CD300LD: variants seen among roughly 807,000 people sequenced by gnomAD.
CD300LD encodes CD300 molecule like family member d.
CD300LD carries 18 observed loss-of-function variants against 20.3 expected under a neutral mutation model. The observed-to-expected ratio is 0.89, with a 90% confidence interval of 0.61 to 1.32. The LOEUF is 1.32. Ranked by LOEUF, CD300LD falls within the 40% of genes most tolerant of loss-of-function variation. CD300LD has a pLI of 0.00. For missense variants in CD300LD, 195 were observed against 226.6 expected, an observed-to-expected ratio of 0.86 and a Z score of 0.90; for synonymous variants, 104 against 90.1, an observed-to-expected ratio of 1.15 and a Z score of -0.87.
intron 1 of CD300LD, chr17:74,590,457 A>G (rs978320872): frequency 6.6e-6 from 1 of 152,010 alleles, no homozygotes; most frequent in Admixed American, 6.6e-5. Flanking sequence ...TATTATTATT[A>G]TTATTATTAC....
rs767458397 is a variant in CD300LD, at chr17:74,582,184, C to A, written c.473+34G>T. The A allele has an allele frequency of 1.9e-6, 3 of 1,592,062 alleles. No homozygotes were observed. In the East Asian group the frequency reaches 6.7e-5, roughly 36 times the overall value. The stretch of plus-strand genomic sequence containing the variant: ...TAGAGGAGAGGCCATGGGGCCAGGC[C>A]TGTGCGAAAGTGGTGGGACCTGGCT... On this transcript the variant is annotated intron_variant, in intron 3 of 3. Transcript: ENST00000375352.
At chr17:74,578,845 G>C (rs548453442), downstream of CD300LD, among the ~76,000 whole-genome samples, 1 of 152,240 alleles carries the variant, frequency 6.6e-6, no homozygotes, top group Non-Finnish European at 1.5e-5. Flanking sequence ...AGTCATTAGA[G>C]TCCAAGACTG....
At chr17:74,591,903 A>T (rs2030328242) in intron 1 of CD300LD, 1 of 833,520 alleles carries the variant, frequency 1.2e-6, no homozygotes. Flanking sequence ...TCATCTGTTT[A>T]TATGGAACAG....
intron 2 of CD300LD, among the ~76,000 whole-genome samples, chr17:74,584,047 G>T (rs2655602): frequency 1.3e-5 from 2 of 151,950 alleles, no homozygotes; most frequent in African/African-American, 2.4e-5. Context: ...GAACCACCAC[G>T]CCCAGCCTGT....
At chr17:74,589,130 A>G (rs1362285179) in intron 1 of CD300LD, among the ~76,000 whole-genome samples, 1 of 152,218 alleles carries the variant, frequency 6.6e-6, no homozygotes, top group East Asian at 1.9e-4. Context: ...TATGGCCAGC[A>G]AATCTTTATA....
At chr17:74,582,642 G>A (rs1052898053) in intron 2 of CD300LD, among the ~76,000 whole-genome samples, 4 of 152,220 alleles carry the variant, frequency 2.6e-5, no homozygotes, top group African/African-American at 7.2e-5. Context: ...ACTCCTTACC[G>A]CCTGTTCTGG....
intron 3 of CD300LD, 75 bp downstream of exon 3, chr17:74,582,143 A>T: frequency 1.7e-6 from 2 of 1,196,114 alleles, no homozygotes; most frequent in Non-Finnish European, 2.4e-6. Flanking sequence ...CTATTGTTGT[A>T]TCTGGCAACC....
At chr17:74,587,386 CTTA>C (rs1175260980) in intron 2 of CD300LD, among the ~76,000 whole-genome samples, 1 of 152,082 alleles carries the variant, frequency 6.6e-6, no homozygotes, top group Non-Finnish European at 1.5e-5. Context: ...CACATATTCC[CTTA>C]TTATTCTTTT....
chr17:74,592,179 C>T lies in CD300LD; in HGVS notation c.24G>A (p.Leu8=), dbSNP rs762877124. MWLSPSL[L]LLILPGYSIA... ...CACACTCACCTGGGAGGATGAGAAG[C>T]AGCAGAGATGGGGACAGCCACATGG... The change falls in exon 1 of 4, where the codon CTG becomes CTA. Residue 8 remains leucine, a synonymous_variant. Coordinates refer to ENST00000375352, the MANE Select transcript of CD300LD (RefSeq NM_001115152.2). The T allele has an allele frequency of 5.0e-6, 8 of 1,614,172 alleles. No individual in the cohort carries two copies. In the South Asian group the frequency reaches 8.8e-5, roughly 18 times the overall value.
At chr17:74,580,606 C>T (rs936893784) in intron 3 of CD300LD, among the ~76,000 whole-genome samples, 4 of 152,182 alleles carry the variant, frequency 2.6e-5, no homozygotes, top group Non-Finnish European at 5.9e-5. Context: ...TCCTTATGTT[C>T]CCTGTTACTT....
Position 74,588,500 on chromosome 17 carries a change from C to T in CD300LD, c.379+11G>A, listed in dbSNP as rs1346659368. The T allele has an allele frequency of 6.3e-7, 1 of 1,578,980 alleles. No individual in the cohort carries two copies. The highest frequency in any genetic ancestry group is 8.7e-7 in the Non-Finnish European group (1 of 1,154,242). ...CCTGAGAGACACACACGTATATACA[C>T]TCCCTCTTACCTGGGTTAATGGTCA... On this transcript the variant is annotated intron_variant, in intron 2 of 3. Transcript: ENST00000375352.
At chr17:74,587,424 G>A (rs995364714) in intron 2 of CD300LD, among the ~76,000 whole-genome samples, 1 of 152,144 alleles carries the variant, frequency 6.6e-6, no homozygotes, top group Non-Finnish European at 1.5e-5. Flanking sequence ...CTGTTGTAAT[G>A]TTACCTCTCT....
rs573902620 is a variant in CD300LD at position 74,581,125 on chromosome 17, A to C, written c.474-1012T>G. Among the ~76,000 whole-genome samples the C allele has an allele frequency of 9.2e-5, 14 of 151,940 alleles. 1 individual carries two copies. The South Asian group carries it at 2.5e-3, about 27-fold the overall frequency. On this transcript the variant is annotated intron_variant, in intron 3 of 3. Coordinates refer to ENST00000375352, the MANE Select transcript of CD300LD (RefSeq NM_001115152.2). ...AGTCCTTTGCCCTCTGTCCCCTGAC[A>C]GCTAAAGTCCCATCAGTTTGCACAA...
Position 74,585,564 on chromosome 17 carries a change from C to T in CD300LD, c.379+2947G>A, listed in dbSNP as rs375003430. On this transcript the variant is annotated intron_variant, in intron 2 of 3. Coordinates refer to ENST00000375352, the MANE Select transcript of CD300LD (RefSeq NM_001115152.2). ...TAGCTGGAAAGCCCTTAGGACCTTGCGCTTTTCCTATTTCCATAAGGCCCG... is the reference window on the plus strand; with the variant it reads ...TAGCTGGAAAGCCCTTAGGACCTTGTGCTTTTCCTATTTCCATAAGGCCCG... 6.3e-4 allele frequency among the ~76,000 whole-genome samples: 96 copies of T among 152,282 alleles called. 2 individuals are homozygous for T. In the South Asian group the frequency reaches 0.012, roughly 20 times the overall value.
intron 1 of CD300LD, 167 bp downstream of exon 1, chr17:74,591,996 A>T (rs1272986955): frequency 6.5e-7 from 1 of 1,545,326 alleles, no homozygotes; most frequent in Non-Finnish European, 8.8e-7. Flanking sequence ...TCTAACACAG[A>T]ACCTGTCAGA....
chr17:74,580,763 A>C (rs1167167584), intron 3 of CD300LD, among the ~76,000 whole-genome samples: 2 of 152,032 alleles, frequency 1.3e-5, no homozygotes, highest in East Asian at 3.9e-4. Flanking sequence ...CTCTCAGCTC[A>C]CGGATAAATT....
At chr17:74,591,926 A>C in intron 1 of CD300LD, 1 of 1,181,668 alleles carries the variant, frequency 8.5e-7, no homozygotes, top group Non-Finnish European at 1.2e-6. Context: ...AGGGTTGAGA[A>C]CCACTGTTCC....
chr17:74,582,463 T>C (rs2030058068), intron 2 of CD300LD, 152 bp from the exon 3 acceptor site: 1 of 576,720 alleles, frequency 1.7e-6, no homozygotes, highest in Non-Finnish European at 3.1e-6. Flanking sequence ...ATGAATTATC[T>C]TCTAAAGAGA....
chr17:74,586,679 G>A (rs186179231), intron 2 of CD300LD, among the ~76,000 whole-genome samples: 5 of 152,262 alleles, frequency 3.3e-5, no homozygotes, highest in South Asian at 2.1e-4. Context: ...AACAGGTAAC[G>A]TTAGTGGGAG....
Sources: gnomAD v4.1 joint callset for allele counts (sites outside exome capture counted in the v4.1 genomes callset) on GRCh38, gnomAD v4.1.1 for gene constraint, MANE v1.5 for transcripts, NCBI Gene and HGNC (gene_info 2026-07-23, HGNC 2026-07-21) for gene names.